PCDH11X: variants seen among roughly 807,000 people sequenced by gnomAD.
The protein encoded by PCDH11X is protocadherin 11 X-linked.
In PCDH11X, 18 loss-of-function variants were observed where a neutral mutation model predicts 53.3. That is an observed-to-expected ratio of 0.34 (90% CI 0.23 to 0.50). PCDH11X has a LOEUF of 0.50. PCDH11X is among the 20% of genes least tolerant of loss of function. The probability of loss-of-function intolerance (pLI) is 0.98; values close to 1 mark genes in which losing one functional copy is unlikely to be tolerated. For missense variants in PCDH11X, 570 were observed against 1,032.4 expected, an observed-to-expected ratio of 0.55 and a Z score of 6.14; for synonymous variants, 279 against 393.3, an observed-to-expected ratio of 0.71 and a Z score of 3.44.
intron 6 of PCDH11X, among the ~76,000 whole-genome samples, chrX:92,187,431 T>C (rs2066117771): frequency 9.0e-6 from 1 of 111,697 alleles, no homozygotes; most frequent in African/African-American, 3.3e-5. Flanking sequence ...GAGTCCTTTT[T>C]TTGATAATTT....
chrX:92,217,826 A>G (rs1229939175), intron 7 of PCDH11X, among the ~76,000 whole-genome samples: 1 of 111,598 alleles, frequency 9.0e-6, no homozygotes, highest in Non-Finnish European at 1.9e-5. Context: ...CAGCAAATGT[A>G]AAAGAACAGA....
intron 8 of PCDH11X, among the ~76,000 whole-genome samples, chrX:92,340,493 G>T (rs1407957813): frequency 1.8e-5 from 2 of 112,123 alleles, no homozygotes; most frequent in East Asian, 5.6e-4. Context: ...CTAGGCAGAC[G>T]ATCCCAAGCC....
At position 92,484,262 on chromosome X, in the gene PCDH11X, T is replaced by C. The variant is rs1257270240; in HGVS notation, c.3367+15940T>C. ...ATATGTATATATGTATATTTATACA[T>C]ATATATGTGTATGTATATATATGTA... is the stretch of plus-strand genomic sequence containing the variant. On this transcript the variant is annotated intron_variant, in intron 10 of 10. Transcript: ENST00000682573. Among the ~76,000 whole-genome samples the C allele has an allele frequency of 4.0e-5, 4 of 100,262 alleles. No homozygotes were observed. The Admixed American group carries it at 4.7e-4, about 12-fold the overall frequency. The allele number at this position is 100,262 out of a possible 115,157, so 87.1% of individuals were successfully genotyped here.
chrX:92,158,741 T>G, intron 6 of PCDH11X, among the ~76,000 whole-genome samples: 1 of 110,096 alleles, frequency 9.1e-6, no homozygotes, highest in South Asian at 4.0e-4. Context: ...GTTTAAGCGA[T>G]TCTCCTGCCT....
intron 10 of PCDH11X, among the ~76,000 whole-genome samples, chrX:92,587,307 G>A (rs751794505): frequency 9.0e-6 from 1 of 111,064 alleles, no homozygotes; most frequent in East Asian, 2.8e-4. Flanking sequence ...TAAGAAAAAC[G>A]TCTTTAAAAT....
chrX:92,230,922 C>G (rs1218965955), intron 7 of PCDH11X, among the ~76,000 whole-genome samples: 1 of 110,671 alleles, frequency 9.0e-6, no homozygotes, highest in Non-Finnish European at 1.9e-5. Context: ...ACTGGAAGAA[C>G]ATTAGTCACT....
chrX:92,009,700 C>CTTTTTTTTTTTTTTTTT (rs68159170), intron 6 of PCDH11X, among the ~76,000 whole-genome samples: 11 of 66,638 alleles, frequency 1.7e-4, no homozygotes, highest in African/African-American at 6.1e-4. Flanking sequence ...TGACTGTTGC[C>CTTTTTTTTTTTTTTTTT]TTTTTTTTTT....
chrX:92,507,041 G>A (rs1469960647), intron 10 of PCDH11X, among the ~76,000 whole-genome samples: 1 of 109,840 alleles, frequency 9.1e-6, no homozygotes, highest in Non-Finnish European at 1.9e-5. Context: ...ATGTCTCTGT[G>A]TTGTATGTCT....
At chrX:91,940,502 C>T (rs2061496159) in intron 6 of PCDH11X, among the ~76,000 whole-genome samples, 1 of 110,746 alleles carries the variant, frequency 9.0e-6, no homozygotes, top group African/African-American at 3.3e-5. Context: ...CACACATGCG[C>T]ATGTATACAC....
intron 9 of PCDH11X, among the ~76,000 whole-genome samples, chrX:92,440,980 T>C (rs1046990478): frequency 1.5e-4 from 17 of 111,268 alleles, no homozygotes; most frequent in Admixed American, 1.3e-3. Context: ...GAGGTGGTCT[T>C]AGATAGAGAT....
chrX:91,916,419 C>T (rs181423943), intron 6 of PCDH11X, among the ~76,000 whole-genome samples: 4 of 111,133 alleles, frequency 3.6e-5, no homozygotes, highest in African/African-American at 6.5e-5. Flanking sequence ...ATGGATAGAC[C>T]GTTAGTGAGA....
intron 8 of PCDH11X, among the ~76,000 whole-genome samples, chrX:92,351,963 C>A (rs1465956587): frequency 8.9e-6 from 1 of 111,826 alleles, no homozygotes; most frequent in Non-Finnish European, 1.9e-5. Context: ...TATTTTCAAG[C>A]AATGGGAAAT....
At chrX:92,562,463 C>T (rs1395433478) in intron 10 of PCDH11X, among the ~76,000 whole-genome samples, 2 of 103,539 alleles carry the variant, frequency 1.9e-5, no homozygotes, top group South Asian at 4.6e-4. Flanking sequence ...TCAGTGTTAA[C>T]TCAAAAGTTC....
intron 9 of PCDH11X, among the ~76,000 whole-genome samples, chrX:92,438,149 G>C (rs1163955036): frequency 3.6e-5 from 4 of 111,622 alleles, no homozygotes; most frequent in Admixed American, 9.5e-5. Flanking sequence ...AAGCACCCTT[G>C]CCTACACATT....
At chrX:91,887,516 A>G (rs1940288380) in intron 6 of PCDH11X, among the ~76,000 whole-genome samples, 1 of 112,127 alleles carries the variant, frequency 8.9e-6, no homozygotes, top group Admixed American at 9.5e-5. Flanking sequence ...ATTCTAGAGT[A>G]GCCATAGGTT....
chrX:92,111,217 G>A (rs1238186235), intron 6 of PCDH11X, among the ~76,000 whole-genome samples: 1 of 26,761 alleles, frequency 3.7e-5, no homozygotes, highest in Non-Finnish European at 4.9e-5. Context: ...ATCACCTAAC[G>A]CTAAAAAAAA....
chrX:91,825,393 G>A (rs183811259), intron 4 of PCDH11X, among the ~76,000 whole-genome samples: 7 of 111,868 alleles, frequency 6.3e-5, no homozygotes, highest in Admixed American at 4.7e-4. Flanking sequence ...CGTTTTTTAA[G>A]CCCGTCGGAA....
chrX:92,283,613 G>T (rs758864877), intron 8 of PCDH11X, among the ~76,000 whole-genome samples: 4 of 111,457 alleles, frequency 3.6e-5, no homozygotes, highest in Admixed American at 9.6e-5. Context: ...TCTACAAATC[G>T]TATGATTTTC....
chrX:92,437,607 A>C lies in PCDH11X; in HGVS notation c.3344-30692A>C, dbSNP rs1179818137. 2.8e-5 allele frequency among the ~76,000 whole-genome samples: 3 copies of C among 108,987 alleles called. 1 individual carries two copies. Among genetic ancestry groups the C allele is most frequent in the Non-Finnish European group, 5.7e-5 (3 of 52,509 alleles). 94.6% of individuals were successfully genotyped at this position (108,987 alleles called of 115,157 possible). ...TATTAAGTGTATCATGTGCTCTGGCACTGTACTATTATTGCTTTTGAGTCT... is the reference window on the plus strand; with the variant it reads ...TATTAAGTGTATCATGTGCTCTGGCCCTGTACTATTATTGCTTTTGAGTCT... On this transcript the variant is annotated intron_variant, in intron 9 of 10. Transcript: ENST00000682573.
Sources: allele counts gnomAD v4.1 joint callset (sites outside exome capture counted in the v4.1 genomes callset), GRCh38; gene constraint gnomAD v4.1.1; transcripts MANE v1.5; gene names NCBI Gene and HGNC (gene_info 2026-07-23, HGNC 2026-07-21).